The following RAPGEF1 variants were observed in gnomAD, a reference collection of about 807,000 sequenced individuals.
RAPGEF1 encodes the protein CRK SH3-binding GNRP.
In RAPGEF1, 33 loss-of-function variants were observed where a neutral mutation model predicts 143.3. The observed-to-expected ratio is 0.23, with a 90% CI of 0.17 to 0.31. The LOEUF (loss-of-function observed/expected upper bound fraction) is 0.31. RAPGEF1 is among the 10% of genes least tolerant of loss of function. RAPGEF1 has a pLI of 1.00. For synonymous variants in RAPGEF1, 629 were observed against 676.5 expected (o/e 0.93, Z 1.09); for missense variants, 1,199 against 1,645.4 (o/e 0.73, Z 4.69).
chr9:131,720,542 G>C (rs1482157116), intron 1 of RAPGEF1, among the ~76,000 whole-genome samples: 1 of 152,176 alleles, frequency 6.6e-6, no homozygotes, highest in African/African-American at 2.4e-5. Context: ...TGACGTTTGA[G>C]AGCCACCGAA....
chr9:131,584,350 C>A lies in RAPGEF1; in HGVS notation c.3375G>T (p.Ala1125=). 3 of 1,613,508 alleles carry A rather than the reference C, an allele frequency of 1.9e-6. No homozygotes were observed. In the South Asian group the frequency reaches 3.3e-5, roughly 18 times the overall value. Residue 1125 remains alanine (A), a synonymous_variant, in exon 24 of 27, where the codon GCG becomes GCT. Transcript: ENST00000683357. This position sits in a 1 kb window ranked among gnomAD's most constrained non-coding sequence, Gnocchi z 6.8. ...YLAILSALDS[A]PIRRLEWQKQ... Reference sequence around the variant, plus strand: ...TCTGCCACTCCAGCCTGCGGATGGGCGCCGAGTCCAGGGCAGAGAGGATGG... The same window carrying A: ...TCTGCCACTCCAGCCTGCGGATGGGAGCCGAGTCCAGGGCAGAGAGGATGG...
At position 131,625,933 on chromosome 9, in the gene RAPGEF1, T is replaced by C; in HGVS notation, c.1691A>G (p.Lys564Arg). 1 of 1,567,584 alleles carries C rather than the reference T, an allele frequency of 6.4e-7. No homozygotes were observed. Among genetic ancestry groups the C allele is most frequent in the Non-Finnish European group, 8.7e-7 (1 of 1,151,108 alleles). ...PEKPPPLPEK[K>R]NKHMLAYMQL... ...CAACAAAGGCTTACTGTGTTTGTTT[T>C]TCTTCTCTGGTAGAGGAGGTGGTTT... Residue 564 changes from lysine (K) to arginine (R), a missense_variant, in exon 10 of 27, where the codon AAA becomes AGA. This residue lies in a region of RAPGEF1 where 16 missense variants were observed against 52.7 expected (regional missense o/e 0.30). Coordinates refer to ENST00000683357, the MANE Select transcript of RAPGEF1 (RefSeq NM_001377935.1).
rs1963761313 is a variant in RAPGEF1, at chr9:131,628,019, G to C, written c.1095C>G (p.Leu365=). Residue 365 remains leucine, a synonymous_variant, in exon 9 of 27, where the codon CTC becomes CTG. Coordinates refer to ENST00000683357, the MANE Select transcript of RAPGEF1 (RefSeq NM_001377935.1). The surrounding 1 kb of genome is among the most constrained non-coding windows in gnomAD (Gnocchi z 5.7). ...SHSYGGESPR[L]SPCSSIGKLS... ...GCTTGCCTATGCTGCTGCAGGGGGA[G>C]AGGCGGGGCGACTCTCCACCATATG... 1.3e-6 allele frequency: 2 copies of C among 1,563,844 alleles called. No homozygotes were observed. The highest frequency in any genetic ancestry group is 1.2e-5 in the South Asian group (1 of 85,096).
chr9:131,713,918 A>G (rs1309767482), intron 1 of RAPGEF1, among the ~76,000 whole-genome samples: 1 of 152,240 alleles, frequency 6.6e-6, no homozygotes, highest in East Asian at 1.9e-4. Context: ...ATACATTGAA[A>G]AAAATTATTT....
intron 4 of RAPGEF1, among the ~76,000 whole-genome samples, chr9:131,642,953 G>A (rs554880451): frequency 7.2e-5 from 11 of 152,278 alleles, no homozygotes; most frequent in East Asian, 1.9e-4. Flanking sequence ...TCCGGGAGGC[G>A]TCCTGGCTTG....
chr9:131,604,808 A>T, intron 13 of RAPGEF1, 123 bp downstream of exon 13: 1 of 1,184,606 alleles, frequency 8.4e-7, no homozygotes, highest in Non-Finnish European at 1.1e-6. Context: ...GCAGCCCCCA[A>T]CTGCTAGTAA....
At chr9:131,579,683 T>G (rs377709310) in intron 26 of RAPGEF1, 36 bp from the exon 27 acceptor site, 102 of 1,606,470 alleles carry the variant, frequency 6.3e-5, no homozygotes, top group Middle Eastern at 5.2e-4. Context: ...AGTGAGCACC[T>G]GTGTGGGCTG....
At chr9:131,642,090 G>A (rs1443853443) in intron 4 of RAPGEF1, among the ~76,000 whole-genome samples, 2 of 152,194 alleles carry the variant, frequency 1.3e-5, no homozygotes, top group African/African-American at 4.8e-5. Context: ...AGCCTCTTAA[G>A]AAAAAGCTCC....
intron 1 of RAPGEF1, among the ~76,000 whole-genome samples, chr9:131,695,011 T>C (rs757974060): frequency 6.7e-5 from 9 of 135,000 alleles, no homozygotes; most frequent in Non-Finnish European, 1.1e-4. Context: ...TGTGTTCTCA[T>C]TGTTCACGCA....
At chr9:131,714,565 G>C (rs768011232) in intron 1 of RAPGEF1, among the ~76,000 whole-genome samples, 30 of 152,176 alleles carry the variant, frequency 2.0e-4, no homozygotes, top group Non-Finnish European at 3.7e-4. Context: ...AGCACTGTGG[G>C]AATGTTCCAA....
chr9:131,593,725 T>C (rs928298545), intron 17 of RAPGEF1, among the ~76,000 whole-genome samples: 6 of 152,188 alleles, frequency 3.9e-5, no homozygotes, highest in Non-Finnish European at 8.8e-5. Flanking sequence ...GGCTCCGGGC[T>C]GGGAATCACA....
At chr9:131,619,321 G>A (rs913919993) in intron 11 of RAPGEF1, 115 bp from the exon 12 acceptor site, 18 of 926,976 alleles carry the variant, frequency 1.9e-5, no homozygotes, top group African/African-American at 3.5e-5. Flanking sequence ...TCTAACAGAC[G>A]TTCTGGAGAG....
chr9:131,628,406 G>T lies in RAPGEF1; in HGVS notation c.1017+143C>A. The stretch of plus-strand genomic sequence containing the variant: ...CTTGGACCGTGTCCTGGAGAGAGAG[G>T]GATGGGTACAAGGTCTCGCACTCCT... On this transcript the variant is annotated intron_variant, in intron 8 of 26. Transcript: ENST00000683357. The surrounding 1 kb of genome is among the most constrained non-coding windows in gnomAD (Gnocchi z 5.7). 8.5e-7 allele frequency: 1 copy of T among 1,171,300 alleles called. No individual in the cohort carries two copies. The highest frequency in any genetic ancestry group is 1.2e-6 in the Non-Finnish European group (1 of 849,630). 72.6% of individuals were successfully genotyped at this position (1,171,300 alleles called of 1,614,324 possible). A position where few individuals can be genotyped will look rare whatever the true frequency, so the allele number is the denominator to read the frequency against.
At chr9:131,716,710 T>C (rs1218999060) in intron 1 of RAPGEF1, among the ~76,000 whole-genome samples, 1 of 151,918 alleles carries the variant, frequency 6.6e-6, no homozygotes, top group East Asian at 1.9e-4. Flanking sequence ...GAGGCAGAGG[T>C]TGCAGTGAGC....
At chr9:131,721,532 C>T (rs1836265337) in intron 1 of RAPGEF1, among the ~76,000 whole-genome samples, 1 of 152,214 alleles carries the variant, frequency 6.6e-6, no homozygotes, top group African/African-American at 2.4e-5. Flanking sequence ...GGAGACCTGA[C>T]TTCTTTACCA....
At position 131,621,811 on chromosome 9, in the gene RAPGEF1, G is replaced by A; in HGVS notation, c.1890C>T (p.Pro630=). The A allele has an allele frequency of 1.2e-6, 2 of 1,606,964 alleles. No homozygotes were observed. Among genetic ancestry groups the A allele is most frequent in the Non-Finnish European group, 1.7e-6 (2 of 1,177,036 alleles). The part of the protein sequence containing the change: ...QELAPPPALP[P]KQRQLASCAA... ...TGTCACTCACCAGCTGCCGCTGCTT[G>A]GGGGGTAGGGCGGGCGGCGGGGCCA... Residue 630 remains proline (P), a synonymous_variant, in exon 11 of 27, where the codon CCC becomes CCT. Transcript: ENST00000683357. This position sits in a 1 kb window ranked among gnomAD's most constrained non-coding sequence, Gnocchi z 4.5.
chr9:131,737,424 G>A (rs1248798146), intron 1 of RAPGEF1: 5 of 1,613,774 alleles, frequency 3.1e-6, no homozygotes, highest in Non-Finnish European at 4.2e-6. Context: ...TGGCAGCACG[G>A]TCGCTCGGTC....
At chr9:131,685,091 A>C (rs1833228990) in intron 1 of RAPGEF1, among the ~76,000 whole-genome samples, 1 of 152,228 alleles carries the variant, frequency 6.6e-6, no homozygotes, top group Non-Finnish European at 1.5e-5. Flanking sequence ...GACACAGAGA[A>C]CAATTATACT....
chr9:131,596,311 C>A lies in RAPGEF1; in HGVS notation c.2676G>T (p.Glu892Asp). The change falls in exon 17 of 27, where the codon GAG (glutamate) becomes GAT (aspartate). Residue 892 changes from glutamate to aspartate, a missense_variant. Around this residue, in one of 6 missense-constraint regions of RAPGEF1, gnomAD observed 209 missense variants for 403.0 expected, o/e 0.52. Coordinates refer to ENST00000683357, the MANE Select transcript of RAPGEF1 (RefSeq NM_001377935.1). Reference sequence around the variant, plus strand: ...CTGACACCCTACCTTTCCTGTCAGTCTCAGTAGCATGGACCAGTAAGATGT... The same window carrying A: ...CTGACACCCTACCTTTCCTGTCAGTATCAGTAGCATGGACCAGTAAGATGT... The part of the protein sequence containing the change: ...SGDILLVHAT[E>D]TDRKDLVLYC... 1.2e-6 allele frequency: 2 copies of A among 1,613,974 alleles called. No individual in the cohort carries two copies. The highest frequency in any genetic ancestry group is 1.7e-6 in the Non-Finnish European group (2 of 1,179,880).
Sources: allele counts gnomAD v4.1 joint callset (sites outside exome capture counted in the v4.1 genomes callset), GRCh38; gene constraint gnomAD v4.1.1; regional missense constraint gnomAD v4.1.1; non-coding constraint Gnocchi (gnomAD v3.1); transcripts MANE v1.5; gene names NCBI Gene and HGNC (gene_info 2026-07-23, HGNC 2026-07-21).